Variants in ADGRL4 observed in about 807,000 individuals in gnomAD.
ADGRL4 encodes EGF, latrophilin and seven transmembrane domain containing 1.
A neutral mutation model predicts 74.8 loss-of-function variants in ADGRL4; 90 were observed. The observed-to-expected ratio is 1.20, with a 90% CI of 1.02 to 1.43. The LOEUF (loss-of-function observed/expected upper bound fraction) is 1.43. ADGRL4 is among the 40% of genes most tolerant of loss of function. ADGRL4 has a pLI of 0.00. For synonymous variants in ADGRL4, 311 were observed against 279.2 expected (o/e 1.11, Z -1.14); for missense variants, 881 against 814.3 (o/e 1.08, Z -1.00).
At chr1:78,987,766 C>G in intron 2 of ADGRL4, among the ~76,000 whole-genome samples, 1 of 151,762 alleles carries the variant, frequency 6.6e-6, no homozygotes, top group South Asian at 2.1e-4. Flanking sequence ...TTGCATGACT[C>G]TTATCATTTT....
At chr1:78,986,718 T>C (rs1354161004) in intron 2 of ADGRL4, among the ~76,000 whole-genome samples, 1 of 151,872 alleles carries the variant, frequency 6.6e-6, no homozygotes, top group Non-Finnish European at 1.5e-5. Flanking sequence ...ACATTCAAAT[T>C]GGAATGCAAA....
At chr1:78,928,087 A>G (rs532824123) in intron 7 of ADGRL4, among the ~76,000 whole-genome samples, 1 of 151,738 alleles carries the variant, frequency 6.6e-6, no homozygotes, top group Non-Finnish European at 1.5e-5. Flanking sequence ...CAACATGACC[A>G]GGTCCAGTTG....
At chr1:78,965,924 C>A (rs1650046856) in intron 2 of ADGRL4, among the ~76,000 whole-genome samples, 1 of 145,770 alleles carries the variant, frequency 6.9e-6, no homozygotes, top group African/African-American at 2.5e-5. Flanking sequence ...AATGTTTTGC[C>A]AAAAGAACTA....
intron 12 of ADGRL4, among the ~76,000 whole-genome samples, chr1:78,896,184 C>G (rs1330740224): frequency 6.6e-6 from 1 of 151,728 alleles, no homozygotes; most frequent in Non-Finnish European, 1.5e-5. Flanking sequence ...ACTTTCTTAG[C>G]TCCTCAAGCC....
chr1:78,980,731 C>T (rs141950071), intron 2 of ADGRL4, among the ~76,000 whole-genome samples: 84 of 151,968 alleles, frequency 5.5e-4, no homozygotes, highest in Admixed American at 1.1e-3. Flanking sequence ...AGAGAGGTCA[C>T]GAGGTTCATC....
rs1469309405 is a variant in ADGRL4, at chr1:78,917,688, G to A, written c.1695C>T (p.Ser565=). The A allele has an allele frequency of 1.2e-6, 2 of 1,607,976 alleles. No homozygotes were observed. The highest frequency in any genetic ancestry group is 8.5e-7 in the Non-Finnish European group (1 of 1,176,818). ...YYGTTKVCWL[S]TENNFIWSFI... Reference sequence around the variant, plus strand: ...AACTCCAAATAAAGTTGTTTTCGGTGCTAAGCCAACATCTGAAAAGTAAAT... The same window carrying A: ...AACTCCAAATAAAGTTGTTTTCGGTACTAAGCCAACATCTGAAAAGTAAAT... The change falls in exon 12 of 15, where the codon AGC becomes AGT. Residue 565 remains serine (S), a synonymous_variant. Coordinates refer to ENST00000370742, the MANE Select transcript of ADGRL4 (RefSeq NM_022159.4).
intron 2 of ADGRL4, among the ~76,000 whole-genome samples, chr1:78,958,722 C>T (rs1436630963): frequency 6.6e-6 from 1 of 152,150 alleles, no homozygotes; most frequent in Non-Finnish European, 1.5e-5. Context: ...TTGAATATTT[C>T]ATAAACTTAG....
Position 78,946,560 on chromosome 1 carries a change from C to G in ADGRL4, c.173-134G>C, listed in dbSNP as rs912900889. 29 of 662,118 alleles carry G rather than the reference C, an allele frequency of 4.4e-5. No homozygotes were observed. The African/African-American group carries it at 5.1e-4, about 12-fold the overall frequency. The allele number at this position is 662,118 out of a possible 1,614,324, so 41.0% of individuals were successfully genotyped here. A position where few individuals can be genotyped will look rare whatever the true frequency, so the allele number is the denominator to read the frequency against. On this transcript the variant is annotated intron_variant, in intron 2 of 14. Transcript: ENST00000370742. ...ATGTTTATATCTACAAACCTTAGTG[C>G]TAAAGAATCCATATTCCACACTTCC... is the stretch of plus-strand genomic sequence containing the variant.
chr1:78,950,683 A>G (rs1206857750), intron 2 of ADGRL4, among the ~76,000 whole-genome samples: 1 of 152,178 alleles, frequency 6.6e-6, no homozygotes, highest in Non-Finnish European at 1.5e-5. Context: ...TTTTTATATC[A>G]TATTTTGCTT....
intron 13 of ADGRL4, among the ~76,000 whole-genome samples, chr1:78,892,311 G>A (rs146220124): frequency 1.1e-4 from 16 of 152,118 alleles, no homozygotes; most frequent in East Asian, 9.7e-4. Flanking sequence ...ACACACATAC[G>A]CACTCTTACA....
chr1:78,970,714 G>A (rs149995071), intron 2 of ADGRL4, among the ~76,000 whole-genome samples: 1 of 152,202 alleles, frequency 6.6e-6, no homozygotes, highest in African/African-American at 2.4e-5. Context: ...GAACCCCTGG[G>A]ACTCCATTGA....
intron 7 of ADGRL4, 104 bp downstream of exon 7, chr1:78,936,191 A>G: frequency 8.4e-7 from 1 of 1,183,852 alleles, no homozygotes; most frequent in Non-Finnish European, 1.2e-6. Context: ...AAATGTTTTT[A>G]TAGGAAACCA....
intron 3 of ADGRL4, among the ~76,000 whole-genome samples, chr1:78,942,483 T>A (rs1241352699): frequency 6.6e-6 from 1 of 152,186 alleles, no homozygotes; most frequent in East Asian, 1.9e-4. Context: ...GAAAGCTAAA[T>A]CTCTGTTAGG....
Position 79,005,191 on chromosome 1 carries a change from G to A in ADGRL4, c.51C>T (p.Ser17=), listed in dbSNP as rs755073382. 1 of 1,610,736 alleles carries A rather than the reference G, an allele frequency of 6.2e-7. No homozygotes were observed. Among genetic ancestry groups the A allele is most frequent in the South Asian group, 1.1e-5 (1 of 90,490 alleles). ...LVVFSTLLNC[S]YTQNCTKTPC... ...GTGTCTTGGTGCAATTTTGAGTATA[G>A]GAACAATTCAACAAAGTGGAAAAAA... Residue 17 remains serine, a synonymous_variant, in exon 2 of 15, where the codon TCC becomes TCT. Coordinates refer to ENST00000370742, the MANE Select transcript of ADGRL4 (RefSeq NM_022159.4).
intron 12 of ADGRL4, among the ~76,000 whole-genome samples, chr1:78,912,029 G>T (rs1311019129): frequency 1.3e-5 from 2 of 151,810 alleles, no homozygotes; most frequent in South Asian, 2.1e-4. Flanking sequence ...ATACTGCAGG[G>T]TGACCAAAAA....
chr1:78,909,845 T>A (rs1001745783), intron 12 of ADGRL4, among the ~76,000 whole-genome samples: 1 of 151,882 alleles, frequency 6.6e-6, no homozygotes, highest in Non-Finnish European at 1.5e-5. Flanking sequence ...GAATAAAGAT[T>A]CTCTGTGCAG....
At chr1:78,898,857 G>A (rs1027405127) in intron 12 of ADGRL4, among the ~76,000 whole-genome samples, 1 of 151,978 alleles carries the variant, frequency 6.6e-6, no homozygotes, top group Non-Finnish European at 1.5e-5. Flanking sequence ...GTTTGACAGT[G>A]TGTTAAAATT....
At chr1:78,959,880 G>A (rs1649913402) in intron 2 of ADGRL4, among the ~76,000 whole-genome samples, 1 of 152,080 alleles carries the variant, frequency 6.6e-6, no homozygotes, top group African/African-American at 2.4e-5. Flanking sequence ...TTAAGTCTAA[G>A]GTTCAGAGTT....
At chr1:78,899,872 C>T (rs948836453) in intron 12 of ADGRL4, among the ~76,000 whole-genome samples, 5 of 151,754 alleles carry the variant, frequency 3.3e-5, no homozygotes, top group African/African-American at 9.7e-5. Context: ...AGAATAATGG[C>T]TCCCCCTCCA....
Sources: gnomAD v4.1 joint callset for allele counts (sites outside exome capture counted in the v4.1 genomes callset) on GRCh38, gnomAD v4.1.1 for gene constraint, MANE v1.5 for transcripts, NCBI Gene and HGNC (gene_info 2026-07-23, HGNC 2026-07-21) for gene names.